Variants in WDR86 observed in about 807,000 individuals in gnomAD.
WDR86 encodes the protein WD repeat domain 86.
In WDR86, 30 loss-of-function variants were observed where a neutral mutation model predicts 36.5. The observed-to-expected ratio is 0.82, with a 90% confidence interval of 0.61 to 1.11. The LOEUF is 1.11. Among genes scored for constraint, WDR86 ranks in the 50% most tolerant of loss-of-function variants. The pLI is 0.00. For synonymous variants in WDR86, 255 were observed against 252.9 expected (o/e 1.01, Z -0.08); for missense variants, 545 against 561.2 (o/e 0.97, Z 0.29).
intron 3 of WDR86, among the ~76,000 whole-genome samples, chr7:151,393,589 C>G (rs377175268): frequency 6.6e-6 from 1 of 152,138 alleles, no homozygotes; most frequent in Non-Finnish European, 1.5e-5. Flanking sequence ...GACATGAGGG[C>G]GAGTCACCAG....
chr7:151,393,165 C>T (rs183718593), intron 3 of WDR86, among the ~76,000 whole-genome samples: 4 of 152,352 alleles, frequency 2.6e-5, no homozygotes, highest in Admixed American at 2.0e-4. Context: ...TGTTTGTGGG[C>T]ATGCATGTAC....
In WDR86 at chr7:151,381,472, T is replaced by TCGCTCCTCGCCC. The variant is rs1217569870; in HGVS notation, c.*98_*109dup. The TCGCTCCTCGCCC allele has an allele frequency of 6.1e-5, 91 of 1,487,306 alleles. No homozygotes were observed. Among genetic ancestry groups the TCGCTCCTCGCCC allele is most frequent in the Non-Finnish European group, 7.7e-5 (87 of 1,126,928 alleles). 92.1% of individuals were successfully genotyped at this position (1,487,306 alleles called of 1,614,324 possible). A position where few individuals can be genotyped will look rare whatever the true frequency, so the allele number is the denominator to read the frequency against. On this transcript the variant is annotated 3_prime_UTR_variant, in exon 6 of 6. Coordinates refer to ENST00000334493, the MANE Select transcript of WDR86 (RefSeq NM_198285.3). The surrounding 1 kb of genome is among the most constrained non-coding windows in gnomAD (Gnocchi z 4.8). The stretch of plus-strand genomic sequence containing the variant: ...GGGCTCTCCTCCCGCCCGGGCTTCC[T>TCGCTCCTCGCCC]CGCTCCTCGCCCCTCGCCGGCCATC...
At chr7:151,410,072 C>T, upstream of WDR86, 1 of 986,390 alleles carries the variant, frequency 1.0e-6, no homozygotes, top group Non-Finnish European at 1.2e-6. Flanking sequence ...CCACCCCTCA[C>T]CCGATCCCCT....
intron 3 of WDR86, among the ~76,000 whole-genome samples, chr7:151,392,965 C>T (rs1163297763): frequency 6.6e-6 from 1 of 152,176 alleles, no homozygotes; most frequent in Non-Finnish European, 1.5e-5. Flanking sequence ...CCCCACTGGC[C>T]ACCTGGGCCA....
intron 1 of WDR86, among the ~76,000 whole-genome samples, chr7:151,402,176 G>A (rs1486657172): frequency 6.7e-6 from 1 of 149,804 alleles, no homozygotes; most frequent in Non-Finnish European, 1.5e-5. Flanking sequence ...GGCAGAGATG[G>A]ATGTGGCCAC....
rs1482455459 is a variant in WDR86 at position 151,390,609 on chromosome 7, C to T, written c.726+5167G>A. Among the ~76,000 whole-genome samples, 2 of 152,352 alleles carry T rather than the reference C, an allele frequency of 1.3e-5. No homozygotes were observed. Among genetic ancestry groups the T allele is most frequent in the African/African-American group, 2.4e-5 (1 of 41,586 alleles). ...AGGATGCACCCAGATCCCGTCCACC[C>T]GTTCACAACAGCTGAAAGGTGAAAG... On this transcript the variant is annotated intron_variant, in intron 3 of 5. Coordinates refer to ENST00000334493, the MANE Select transcript of WDR86 (RefSeq NM_198285.3). This position sits in a 1 kb window ranked among gnomAD's most constrained non-coding sequence, Gnocchi z 4.5.
At chr7:151,372,207 C>G (rs1309103994), downstream of WDR86, among the ~76,000 whole-genome samples, 12 of 152,342 alleles carry the variant, frequency 7.9e-5, no homozygotes, top group African/African-American at 2.9e-4. Flanking sequence ...CTCTTGAGAT[C>G]TGATTCTACT....
intron 1 of WDR86, among the ~76,000 whole-genome samples, chr7:151,402,070 A>AAAAAAAAAAAAAATATATATATAT: frequency 3.4e-4 from 17 of 50,518 alleles, no homozygotes; most frequent in African/African-American, 3.5e-4. Flanking sequence ...AAAAAAAAAA[A>AAAAAAAAAAAAAATATATATATAT]ATATATATAT....
chr7:151,383,157 A>T (rs1410920755), intron 4 of WDR86, among the ~76,000 whole-genome samples: 16 of 138,472 alleles, frequency 1.2e-4, no homozygotes, highest in Admixed American at 5.7e-4. Flanking sequence ...AGCTAATTTT[A>T]AAAAAAACGG....
At chr7:151,373,736 G>A (rs1244653882), downstream of WDR86, among the ~76,000 whole-genome samples, 1 of 152,216 alleles carries the variant, frequency 6.6e-6, no homozygotes, top group Admixed American at 6.5e-5. Flanking sequence ...TTCCTACCTG[G>A]TTCCTAGAAG....
chr7:151,394,157 T>C (rs191842566), intron 3 of WDR86, among the ~76,000 whole-genome samples: 1 of 152,308 alleles, frequency 6.6e-6, no homozygotes, highest in Admixed American at 6.5e-5. Flanking sequence ...CTCATCTCGC[T>C]GCATTTGCTG....
chr7:151,393,189 C>CTGTGTTCACACG (rs929683623), intron 3 of WDR86, among the ~76,000 whole-genome samples: 5 of 152,208 alleles, frequency 3.3e-5, no homozygotes. Context: ...CGTGGCTTGT[C>CTGTGTTCACACG]TGTGTTCACA....
downstream of WDR86, chr7:151,376,249 TG>T: frequency 2.1e-6 from 1 of 468,026 alleles, no homozygotes; most frequent in Non-Finnish European, 3.9e-6. Context: ...GATGGCACTG[TG>T]ACCTGGGAAA....
At position 151,381,319 on chromosome 7, in the gene WDR86, T is replaced by C; in HGVS notation, c.*263A>G. On this transcript the variant is annotated 3_prime_UTR_variant, in exon 6 of 6. Transcript: ENST00000334493. The surrounding 1 kb of genome is among the most constrained non-coding windows in gnomAD (Gnocchi z 4.8). ...TGGGAGGGTCCCCAGGACTAGGCCT[T>C]TCGCCAGGTCAGGGATGGGGAGGGA... is the stretch of plus-strand genomic sequence containing the variant. 2 of 1,351,816 alleles carry C rather than the reference T, an allele frequency of 1.5e-6. No homozygotes were observed. Among genetic ancestry groups the C allele is most frequent in the Non-Finnish European group, 1.9e-6 (2 of 1,057,810 alleles). The allele number at this position is 1,351,816 out of a possible 1,614,324, so 83.7% of individuals were successfully genotyped here.
At chr7:151,389,582 A>G (rs932982781) in intron 3 of WDR86, among the ~76,000 whole-genome samples, 3 of 152,204 alleles carry the variant, frequency 2.0e-5, no homozygotes, top group Non-Finnish European at 4.4e-5. Context: ...TGGGGCTCGC[A>G]AAGCCACTGT....
downstream of WDR86, chr7:151,376,911 G>T: frequency 7.0e-7 from 1 of 1,433,750 alleles, no homozygotes; most frequent in Non-Finnish European, 9.3e-7. Context: ...CTGAGGGGGC[G>T]TCCCCTGACG....
chr7:151,371,952 C>G (rs1052552099), downstream of WDR86, among the ~76,000 whole-genome samples: 2 of 152,192 alleles, frequency 1.3e-5, no homozygotes, highest in African/African-American at 4.8e-5. Context: ...AAGCAGTCCT[C>G]CCACCTTGGC....
chr7:151,389,400 G>A (rs1799240847), intron 3 of WDR86, among the ~76,000 whole-genome samples: 1 of 152,214 alleles, frequency 6.6e-6, no homozygotes, highest in African/African-American at 2.4e-5. Context: ...CCTGTGTGAT[G>A]TGAGTGGTGC....
At chr7:151,391,817 A>G (rs1799458655) in intron 3 of WDR86, among the ~76,000 whole-genome samples, 1 of 151,850 alleles carries the variant, frequency 6.6e-6, no homozygotes, top group African/African-American at 2.4e-5. Flanking sequence ...TAGGAGTCCA[A>G]GTACAGGGGT....
Sources: gnomAD v4.1 joint callset for allele counts (sites outside exome capture counted in the v4.1 genomes callset) on GRCh38, gnomAD v4.1.1 for gene constraint, Gnocchi (gnomAD v3.1) non-coding constraint, MANE v1.5 for transcripts, NCBI Gene and HGNC (gene_info 2026-07-23, HGNC 2026-07-21) for gene names.